The following TMEM40 variants were observed in gnomAD, a reference collection of about 807,000 sequenced individuals.
The protein encoded by TMEM40 is transmembrane protein 40.
A neutral mutation model predicts 40.8 loss-of-function variants in TMEM40; 34 were observed. The ratio of observed to expected loss-of-function variants is 0.83; its 90% CI spans 0.63 to 1.11. The LOEUF (loss-of-function observed/expected upper bound fraction) is 1.11. TMEM40 is among the 50% of genes least tolerant of loss of function. TMEM40 has a pLI of 0.00. For missense variants in TMEM40, 296 were observed against 280.2 expected, an observed-to-expected ratio of 1.06 and a Z score of -0.40; for synonymous variants, 106 against 107.0, an observed-to-expected ratio of 0.99 and a Z score of 0.06.
chr3:12,743,270 C>G (rs1304670724), intron 4 of TMEM40, among the ~76,000 whole-genome samples: 1 of 152,158 alleles, frequency 6.6e-6, no homozygotes, highest in East Asian at 1.9e-4. Context: ...GTGTTTGAGA[C>G]AGGCCTGGGC....
intron 11 of TMEM40, 94 bp downstream of exon 11, chr3:12,735,461 C>T: frequency 7.6e-7 from 1 of 1,318,218 alleles, no homozygotes; most frequent in Non-Finnish European, 1.1e-6. Context: ...CCTCTGCCTC[C>T]AGGCTGTGTT....
At chr3:12,745,120 C>A (rs753662545) in intron 3 of TMEM40, among the ~76,000 whole-genome samples, 1 of 151,970 alleles carries the variant, frequency 6.6e-6, no homozygotes, top group African/African-American at 2.4e-5. Context: ...AGTGCAATGG[C>A]GTGATCTCAG....
chr3:12,744,073 AT>A (rs1381268877), intron 3 of TMEM40, 84 bp from the exon 4 acceptor site: 1 of 1,404,058 alleles, frequency 7.1e-7, no homozygotes, highest in East Asian at 2.5e-5. Flanking sequence ...CATTCTCAGA[AT>A]TTAGTTTATG....
chr3:12,741,767 CAAAAAAA>C lies in TMEM40; in HGVS notation c.355+680_355+686del, dbSNP rs59665318. Among the ~76,000 whole-genome samples, 13 of 125,632 alleles carry C rather than the reference CAAAAAAA, an allele frequency of 1.0e-4. No individual in the cohort carries two copies. In the East Asian group the frequency reaches 1.1e-3, roughly 11 times the overall value. 82.4% of individuals were successfully genotyped at this position (125,632 alleles called of 152,430 possible). ...AACCAGATTATACTTGTTTTTGTAA[CAAAAAAA>C]AAAAAAAAAAGAAAGAAGGAAAGAA... is the stretch of plus-strand genomic sequence containing the variant. On this transcript the variant is annotated intron_variant, in intron 5 of 11. Coordinates refer to ENST00000314124, the MANE Select transcript of TMEM40 (RefSeq NM_018306.4).
Position 12,738,674 on chromosome 3 carries a change from G to A in TMEM40, c.356-86C>T, listed in dbSNP as rs530157116. 1,661 of 1,432,276 alleles carry A rather than the reference G, an allele frequency of 1.2e-3. 3 individuals carry two copies. The highest frequency in any genetic ancestry group is 1.4e-3 in the Non-Finnish European group (1,414 of 1,018,946). The allele number at this position is 1,432,276 out of a possible 1,614,324, so 88.7% of individuals were successfully genotyped here. A position where few individuals can be genotyped will look rare whatever the true frequency, so the allele number is the denominator to read the frequency against. On this transcript the variant is annotated intron_variant, in intron 5 of 11. Coordinates refer to ENST00000314124, the MANE Select transcript of TMEM40 (RefSeq NM_018306.4). ...GCTTCAGGGAAGGTGGATCCTGCTC[G>A]GAGACTTCCCACTTAATCTGGAGTC...
intron 3 of TMEM40, among the ~76,000 whole-genome samples, chr3:12,746,149 C>A (rs1003774345): frequency 6.7e-6 from 1 of 150,100 alleles, no homozygotes; most frequent in Non-Finnish European, 1.5e-5. Flanking sequence ...CTGCCCGCCT[C>A]GGCCTCCCAA....
chr3:12,747,093 C>T (rs9852430), intron 3 of TMEM40, among the ~76,000 whole-genome samples: 6,237 of 152,078 alleles, frequency 0.041, 441 homozygotes, highest in African/African-American at 0.14. Context: ...CGGGACCCAC[C>T]GACCACTCTC....
At chr3:12,755,196 TTC>T (rs1223590445) in intron 1 of TMEM40, among the ~76,000 whole-genome samples, 2,220 of 93,286 alleles carry the variant, frequency 0.024, 44 homozygotes, top group African/African-American at 0.074. Flanking sequence ...CCTTCCTTCC[TTC>T]CTTTCTTTCT....
chr3:12,736,458 T>C, intron 10 of TMEM40, 120 bp downstream of exon 10: 1 of 1,331,844 alleles, frequency 7.5e-7, no homozygotes. Context: ...CCAGAAAATT[T>C]TTTTAAAAGT....
chr3:12,768,923 C>CGGG (rs1491298222), intron 1 of TMEM40, among the ~76,000 whole-genome samples: 1 of 3,300 alleles, frequency 3.0e-4, no homozygotes, highest in African/African-American at 1.2e-3. Context: ...GGGGCCGGGG[C>CGGG]CGGGGCGGGG....
At chr3:12,741,536 A>G (rs958073304) in intron 5 of TMEM40, among the ~76,000 whole-genome samples, 4 of 152,218 alleles carry the variant, frequency 2.6e-5, no homozygotes, top group African/African-American at 9.6e-5. Context: ...ATGAGAACTC[A>G]AGCAATGTAA....
intron 1 of TMEM40, among the ~76,000 whole-genome samples, chr3:12,764,872 T>C (rs1306682250): frequency 6.6e-6 from 1 of 152,152 alleles, no homozygotes; most frequent in Non-Finnish European, 1.5e-5. Context: ...ATTTAAGTTT[T>C]GTTTTTTGTT....
At chr3:12,761,735 G>A (rs1348672458), upstream of TMEM40, among the ~76,000 whole-genome samples, 1 of 152,208 alleles carries the variant, frequency 6.6e-6, no homozygotes, top group Non-Finnish European at 1.5e-5. Flanking sequence ...ACTAGGGACA[G>A]GGTCGTGGGA....
intron 1 of TMEM40, among the ~76,000 whole-genome samples, chr3:12,750,051 G>T (rs2061461887): frequency 6.6e-6 from 1 of 152,008 alleles, no homozygotes; most frequent in Non-Finnish European, 1.5e-5. Flanking sequence ...TTGGGGTGGT[G>T]GGTATTGGTT....
chr3:12,751,796 G>C (rs2061479126), intron 1 of TMEM40, among the ~76,000 whole-genome samples: 1 of 152,300 alleles, frequency 6.6e-6, no homozygotes, highest in East Asian at 1.9e-4. Context: ...ATTTCAGCTA[G>C]AGTGGAGGAA....
chr3:12,758,258 G>A (rs2061543665), intron 1 of TMEM40, among the ~76,000 whole-genome samples: 1 of 152,048 alleles, frequency 6.6e-6, no homozygotes, highest in South Asian at 2.1e-4. Flanking sequence ...GTGCTTTAGG[G>A]CTACACTAGC....
chr3:12,768,211 G>C (rs991132988), intron 1 of TMEM40, among the ~76,000 whole-genome samples: 23 of 152,036 alleles, frequency 1.5e-4, no homozygotes, highest in African/African-American at 5.6e-4. Flanking sequence ...GTGGGTTCGT[G>C]GTCTATGCTG....
At chr3:12,738,995 A>T (rs535569578) in intron 5 of TMEM40, 1 of 204,904 alleles carries the variant, frequency 4.9e-6, no homozygotes, top group African/African-American at 2.3e-5. Flanking sequence ...TCTACTAAAA[A>T]TACAAAAATT....
At chr3:12,755,213 T>TCTC (rs1233789779) in intron 1 of TMEM40, among the ~76,000 whole-genome samples, 25 of 94,308 alleles carry the variant, frequency 2.7e-4, no homozygotes, top group African/African-American at 8.7e-4. Context: ...CTTTCTTTCT[T>TCTC]TCTCTCTCTC....
Sources: gnomAD v4.1 joint callset for allele counts (sites outside exome capture counted in the v4.1 genomes callset) on GRCh38, gnomAD v4.1.1 for gene constraint, MANE v1.5 for transcripts, NCBI Gene and HGNC (gene_info 2026-07-23, HGNC 2026-07-21) for gene names.